Variants in CSMD3 observed in about 807,000 individuals in gnomAD.
CSMD3 encodes the protein CUB and Sushi multiple domains 3.
Under a neutral mutation model 435.2 loss-of-function variants are expected in CSMD3, and 177 were observed. That is an observed-to-expected ratio of 0.41 (90% CI 0.36 to 0.46). The LOEUF (loss-of-function observed/expected upper bound fraction) is 0.46. CSMD3 is among the 20% of genes least tolerant of loss of function. CSMD3 has a pLI of 0.34. For synonymous variants in CSMD3, 1,656 were observed against 1,520.5 expected, an observed-to-expected ratio of 1.09 and a Z score of -2.07; for missense variants, 4,265 against 4,504.6, an observed-to-expected ratio of 0.95 and a Z score of 1.52.
intron 3 of CSMD3, among the ~76,000 whole-genome samples, chr8:113,220,503 T>A (rs140000109): frequency 5.0e-4 from 76 of 151,526 alleles, no homozygotes; most frequent in Non-Finnish European, 9.2e-4. Context: ...GTAATAATCA[T>A]AATAAAATTG....
intron 4 of CSMD3, among the ~76,000 whole-genome samples, chr8:113,111,550 A>G (rs1337835562): frequency 2.0e-5 from 3 of 151,814 alleles, no homozygotes; most frequent in African/African-American, 7.3e-5. Flanking sequence ...TTTTGCTTGT[A>G]TTTATTTACT....
At chr8:113,429,195 A>G (rs1368255273) in intron 1 of CSMD3, among the ~76,000 whole-genome samples, 1 of 151,664 alleles carries the variant, frequency 6.6e-6, no homozygotes. Flanking sequence ...ATTAATATTT[A>G]TAAAATGTAT....
At chr8:112,526,366 T>C (rs1267021222) in intron 27 of CSMD3, among the ~76,000 whole-genome samples, 3 of 152,140 alleles carry the variant, frequency 2.0e-5, no homozygotes, top group East Asian at 3.9e-4. Context: ...CTATGTTCTT[T>C]TATTTATTTT....
intron 25 of CSMD3, among the ~76,000 whole-genome samples, chr8:112,553,335 A>AAT (rs1827848483): frequency 2.0e-5 from 3 of 152,180 alleles, no homozygotes; most frequent in Admixed American, 2.0e-4. Context: ...ATCGTCATGC[A>AAT]ATATAATTAA....
At chr8:112,773,697 T>C (rs966799471) in intron 13 of CSMD3, among the ~76,000 whole-genome samples, 1 of 152,030 alleles carries the variant, frequency 6.6e-6, no homozygotes, top group Non-Finnish European at 1.5e-5. Context: ...CCAGATTTTT[T>C]AGAGCTTTAT....
At chr8:112,758,431 A>G (rs1159788358) in intron 13 of CSMD3, among the ~76,000 whole-genome samples, 1 of 152,176 alleles carries the variant, frequency 6.6e-6, no homozygotes, top group Non-Finnish European at 1.5e-5. Context: ...CTTAGCATAT[A>G]TCTAATTTTA....
At chr8:113,074,166 G>GACAC (rs5894124) in intron 5 of CSMD3, among the ~76,000 whole-genome samples, 6 of 149,016 alleles carry the variant, frequency 4.0e-5, no homozygotes, top group Non-Finnish European at 9.0e-5. Context: ...CACACACAGA[G>GACAC]ACACACACAC....
chr8:113,389,064 T>G (rs1432280894), intron 1 of CSMD3, among the ~76,000 whole-genome samples: 1 of 151,582 alleles, frequency 6.6e-6, no homozygotes, highest in Admixed American at 6.6e-5. Flanking sequence ...TACAACAAAG[T>G]TTTTAATAAA....
chr8:113,340,459 T>C (rs924828274), intron 1 of CSMD3, among the ~76,000 whole-genome samples: 1 of 152,162 alleles, frequency 6.6e-6, no homozygotes, highest in Non-Finnish European at 1.5e-5. Flanking sequence ...AGTCTTTCCA[T>C]GTAGACTTAT....
rs777782795 is a variant in CSMD3, at chr8:112,976,152, TG to T, written c.1031-5del. 27 of 1,613,770 alleles carry T rather than the reference TG, an allele frequency of 1.7e-5. No individual in the cohort carries two copies. The highest frequency in any genetic ancestry group is 2.0e-5 in the Non-Finnish European group (24 of 1,179,820). ...GTGTGGGTCAATGTAGAAGAACCTG[TG>T]GGACACAGTAGCACTAGATGCTAAC... is the stretch of plus-strand genomic sequence containing the variant. On this transcript the variant is annotated splice_polypyrimidine_tract_variant and splice_region_variant and intron_variant, in intron 6 of 70. Coordinates refer to ENST00000297405, the MANE Select transcript of CSMD3 (RefSeq NM_198123.2).
chr8:112,574,134 T>A (rs553571656), intron 23 of CSMD3, among the ~76,000 whole-genome samples: 58 of 152,172 alleles, frequency 3.8e-4, no homozygotes, highest in African/African-American at 1.3e-3. Flanking sequence ...TTGACATTTT[T>A]AAAATATTAA....
At chr8:112,546,980 A>T (rs1031738210) in intron 27 of CSMD3, among the ~76,000 whole-genome samples, 2 of 151,644 alleles carry the variant, frequency 1.3e-5, no homozygotes, top group Non-Finnish European at 3.0e-5. Context: ...TCATTGGTGA[A>T]GACTGTTCTG....
intron 38 of CSMD3, 49 bp from the exon 39 acceptor site, chr8:112,352,583 G>C: frequency 6.6e-7 from 1 of 1,504,152 alleles, no homozygotes; most frequent in Non-Finnish European, 9.2e-7. Context: ...AGTGATAAAT[G>C]CTTAAGTTAT....
At chr8:112,370,575 T>A (rs1196072605) in intron 38 of CSMD3, among the ~76,000 whole-genome samples, 3 of 152,166 alleles carry the variant, frequency 2.0e-5, no homozygotes, top group Non-Finnish European at 4.4e-5. Flanking sequence ...GCTCTAGCTG[T>A]TCCCTAAAGC....
intron 23 of CSMD3, among the ~76,000 whole-genome samples, chr8:112,574,921 C>A (rs1284738157): frequency 6.6e-6 from 1 of 151,980 alleles, no homozygotes; most frequent in East Asian, 1.9e-4. Context: ...ATCTAGGGAT[C>A]TTGCCATAGC....
At chr8:112,372,817 C>T (rs1828539034) in intron 38 of CSMD3, among the ~76,000 whole-genome samples, 1 of 151,342 alleles carries the variant, frequency 6.6e-6, no homozygotes. Flanking sequence ...CCATTGCACT[C>T]CAGCCTGGGT....
chr8:112,953,547 T>A (rs901629619), intron 8 of CSMD3, among the ~76,000 whole-genome samples: 1 of 151,434 alleles, frequency 6.6e-6, no homozygotes, highest in Non-Finnish European at 1.5e-5. Context: ...GGTTTCCTAG[T>A]GATATCTCTT....
intron 7 of CSMD3, among the ~76,000 whole-genome samples, chr8:112,970,596 CTTAT>C (rs992848283): frequency 5.3e-5 from 8 of 151,986 alleles, no homozygotes; most frequent in Non-Finnish European, 8.8e-5. Context: ...CATAAAACAA[CTTAT>C]TTATTTTTGT....
chr8:112,610,321 G>A (rs1833155982), intron 22 of CSMD3, among the ~76,000 whole-genome samples: 1 of 148,350 alleles, frequency 6.7e-6, no homozygotes, highest in African/African-American at 2.4e-5. Context: ...TTATACCTCA[G>A]TAAAGCTAAA....
Sources: allele counts gnomAD v4.1 joint callset (sites outside exome capture counted in the v4.1 genomes callset), GRCh38; gene constraint gnomAD v4.1.1; transcripts MANE v1.5; gene names NCBI Gene and HGNC (gene_info 2026-07-23, HGNC 2026-07-21).